EXOC6: variants seen among roughly 807,000 people sequenced by gnomAD.
EXOC6 encodes exocyst complex component 6.
In EXOC6, 60 loss-of-function variants were observed where a neutral mutation model predicts 112.5. The observed-to-expected ratio is 0.53, with a 90% confidence interval of 0.43 to 0.66. The LOEUF is 0.66. EXOC6 is among the 30% of genes least tolerant of loss of function. The pLI is 0.00. For missense variants in EXOC6, 855 were observed against 957.1 expected (o/e 0.89, Z 1.41); for synonymous variants, 295 against 308.0 (o/e 0.96, Z 0.44).
At chr10:92,851,521 A>T (rs936249271) in intron 1 of EXOC6, among the ~76,000 whole-genome samples, 2 of 152,062 alleles carry the variant, frequency 1.3e-5, no homozygotes, top group African/African-American at 4.8e-5. Flanking sequence ...GTGGTAGCAC[A>T]CGCTTGTAAT....
chr10:92,924,412 T>C lies in EXOC6; in HGVS notation c.889-3927T>C, dbSNP rs145318037. 3.4e-3 allele frequency among the ~76,000 whole-genome samples: 522 copies of C among 152,348 alleles called. 1 individual carries two copies. Among genetic ancestry groups the C allele is most frequent in the African/African-American group, 0.012 (504 of 41,586 alleles). The stretch of plus-strand genomic sequence containing the variant: ...GGCTGCCAAAAATTTTAAGTTACAC[T>C]GGCTAACTTTATTTTTTCATATTCA... On this transcript the variant is annotated intron_variant, in intron 8 of 21. Coordinates refer to ENST00000260762, the MANE Select transcript of EXOC6 (RefSeq NM_019053.6).
intron 20 of EXOC6, among the ~76,000 whole-genome samples, chr10:93,044,515 A>G (rs1845918627): frequency 6.6e-6 from 1 of 152,160 alleles, no homozygotes; most frequent in Non-Finnish European, 1.5e-5. Flanking sequence ...CAGACTAAGT[A>G]TGGTAATCCA....
At chr10:92,917,415 G>C (rs1851152463) in intron 7 of EXOC6, among the ~76,000 whole-genome samples, 1 of 123,188 alleles carries the variant, frequency 8.1e-6, no homozygotes, top group Non-Finnish European at 1.7e-5. Flanking sequence ...ACTATGATTA[G>C]TCTTTTAATG....
At chr10:92,984,545 TG>T (rs1685797834) in intron 18 of EXOC6, among the ~76,000 whole-genome samples, 1 of 152,096 alleles carries the variant, frequency 6.6e-6, no homozygotes, top group Non-Finnish European at 1.5e-5. Context: ...GTTTTGTTGT[TG>T]TTTTTTTAAA....
At chr10:93,015,049 G>A (rs1026913287) in intron 20 of EXOC6, among the ~76,000 whole-genome samples, 6 of 152,060 alleles carry the variant, frequency 3.9e-5, no homozygotes, top group East Asian at 1.9e-4. Context: ...GCTCAGGAGT[G>A]CTAGAATAGA....
At chr10:92,963,041 G>T (rs1854103667) in intron 17 of EXOC6, among the ~76,000 whole-genome samples, 1 of 152,148 alleles carries the variant, frequency 6.6e-6, no homozygotes, top group African/African-American at 2.4e-5. Flanking sequence ...CAGAGATGAG[G>T]ATAAGGAAGA....
intron 1 of EXOC6, among the ~76,000 whole-genome samples, chr10:92,855,548 G>A (rs1243843555): frequency 6.6e-6 from 1 of 151,912 alleles, no homozygotes; most frequent in African/African-American, 2.4e-5. Context: ...TTCTTTGTTG[G>A]GAAGTTTTCG....
intron 18 of EXOC6, among the ~76,000 whole-genome samples, chr10:92,978,900 T>C (rs1339332905): frequency 2.0e-5 from 3 of 152,046 alleles, no homozygotes; most frequent in Admixed American, 6.5e-5. Context: ...CCCCGTGCCC[T>C]GTCTTTGGTT....
At chr10:92,930,386 C>G (rs1251099554) in intron 9 of EXOC6, among the ~76,000 whole-genome samples, 1 of 151,998 alleles carries the variant, frequency 6.6e-6, no homozygotes, top group African/African-American at 2.4e-5. Flanking sequence ...GCCTGTAATC[C>G]CAGCTGCTCG....
At chr10:92,846,712 C>T (rs1423046653), upstream of EXOC6, among the ~76,000 whole-genome samples, 2 of 152,154 alleles carry the variant, frequency 1.3e-5, no homozygotes, top group African/African-American at 4.8e-5. Flanking sequence ...TTATAGGGCC[C>T]TTCCTAAGTT....
chr10:92,854,546 G>A (rs916709921), intron 1 of EXOC6, among the ~76,000 whole-genome samples: 50 of 152,120 alleles, frequency 3.3e-4, no homozygotes, highest in African/African-American at 1.2e-3. Context: ...AGGTTGAGGA[G>A]TTCTCTTAGT....
At chr10:92,907,045 T>C (rs1850481635) in intron 5 of EXOC6, among the ~76,000 whole-genome samples, 1 of 152,340 alleles carries the variant, frequency 6.6e-6, no homozygotes, top group East Asian at 1.9e-4. Context: ...CTCTGACTTC[T>C]GCTCTCTGCC....
chr10:93,040,174 C>G (rs1456440974), intron 20 of EXOC6, among the ~76,000 whole-genome samples: 1 of 152,206 alleles, frequency 6.6e-6, no homozygotes, highest in Non-Finnish European at 1.5e-5. Flanking sequence ...TCTCATCTTC[C>G]TATGCCCTTG....
At chr10:93,019,744 A>C (rs533529165) in intron 20 of EXOC6, among the ~76,000 whole-genome samples, 4 of 152,324 alleles carry the variant, frequency 2.6e-5, no homozygotes, top group Admixed American at 2.6e-4. Context: ...ATAAGTAAAA[A>C]ATGTCACTTT....
intron 1 of EXOC6, 104 bp from the exon 2 acceptor site, chr10:92,893,245 G>GT: frequency 1.3e-6 from 1 of 774,654 alleles, no homozygotes; most frequent in Non-Finnish European, 2.0e-6. Flanking sequence ...ATTATCACCA[G>GT]TTTATTTGTT....
At chr10:92,973,977 A>G in intron 17 of EXOC6, 76 bp from the exon 18 acceptor site, 3 of 1,197,354 alleles carry the variant, frequency 2.5e-6, no homozygotes, top group Non-Finnish European at 2.3e-6. Context: ...GTAAATGTAA[A>G]ATAATATCTA....
At chr10:92,996,077 G>T (rs1025992887) in intron 18 of EXOC6, among the ~76,000 whole-genome samples, 9 of 151,984 alleles carry the variant, frequency 5.9e-5, no homozygotes, top group African/African-American at 2.2e-4. Flanking sequence ...CGATTTTGTA[G>T]CTTTCTGGCC....
chr10:92,975,240 C>T (rs576094219), intron 18 of EXOC6, among the ~76,000 whole-genome samples: 8 of 148,630 alleles, frequency 5.4e-5, no homozygotes, highest in African/African-American at 7.5e-5. Context: ...ATGTGAGGAG[C>T]GCCTCTACCC....
rs530591028 is a variant in EXOC6 at position 93,018,281 on chromosome 10, A to G, written c.2169+4014A>G. ...TGGTATTAAATTATTTTTAAAAGGT[A>G]TAATAATGACATGGTGAATATGTTT... is the stretch of plus-strand genomic sequence containing the variant. On this transcript the variant is annotated intron_variant, in intron 20 of 21. Transcript: ENST00000260762. 1.2e-3 allele frequency among the ~76,000 whole-genome samples: 180 copies of G among 152,294 alleles called. 4 individuals are homozygous for G. The South Asian group carries it at 0.022, about 18-fold the overall frequency.
Sources: allele counts gnomAD v4.1 joint callset (sites outside exome capture counted in the v4.1 genomes callset), GRCh38; gene constraint gnomAD v4.1.1; transcripts MANE v1.5; gene names NCBI Gene and HGNC (gene_info 2026-07-23, HGNC 2026-07-21).